TPM1: variants seen among roughly 807,000 people sequenced by gnomAD.
TPM1 encodes tropomyosin alpha-1 chain.
Under a neutral mutation model 42.9 loss-of-function variants are expected in TPM1, and 24 were observed. That is an observed-to-expected ratio of 0.56 (90% CI 0.41 to 0.79). The LOEUF is 0.79. TPM1 is among the 30% of genes least tolerant of loss of function. TPM1 has a pLI of 0.00. For missense variants in TPM1, 158 were observed against 351.8 expected (o/e 0.45, Z 4.41); for synonymous variants, 136 against 130.1 (o/e 1.05, Z -0.31).
chr15:63,064,078 C>G lies in TPM1; in HGVS notation c.787C>G (p.Gln263Glu), dbSNP rs730881147. The G allele has an allele frequency of 1.2e-6, 2 of 1,614,076 alleles. No homozygotes were observed. The highest frequency in any genetic ancestry group is 1.7e-6 in the Non-Finnish European group (2 of 1,180,020). The change falls in exon 9 of 10, where the codon CAG becomes GAG. Residue 263 changes from glutamine (Q) to glutamate (E), a missense_variant. By Grantham distance (29) the Gln-to-Glu change is conservative. Transcript: ENST00000403994. ...IDDLEDELYA[Q>E]KLKYKAISEE... ...CCTGGTCATAGACGAGCTGTACGCT[C>G]AGAAACTGAAGTACAAAGCCATCAG...
At chr15:63,067,971 G>C (rs1212611981), downstream of TPM1, among the ~76,000 whole-genome samples, 1 of 152,206 alleles carries the variant, frequency 6.6e-6, no homozygotes. Context: ...CTGTCGGAGG[G>C]ACCACTGTCC....
Position 63,047,341 on chromosome 15 carries a change from A to T in TPM1, c.240+3189A>T, listed in dbSNP as rs2032595609. 3 of 152,248 alleles carry T rather than the reference A, an allele frequency of 2.0e-5. No homozygotes were observed. In the South Asian group the frequency reaches 6.2e-4, roughly 32 times the overall value. 9.4% of individuals were successfully genotyped at this position (152,248 alleles called of 1,614,324 possible). On this transcript the variant is annotated intron_variant, in intron 2 of 9. Transcript: ENST00000403994. ...GTTTTCTTTATTATTCCCACACATA[A>T]GGGAGCTGGCTTTAAGAGCTTTCTG...
At chr15:63,069,489 C>T (rs147856076), downstream of TPM1, among the ~76,000 whole-genome samples, 8 of 152,286 alleles carry the variant, frequency 5.3e-5, no homozygotes, top group East Asian at 1.2e-3. Flanking sequence ...GTGGATGTCA[C>T]GCTGGGCTCG....
chr15:63,043,575 C>G (rs2031661776), intron 1 of TPM1: 11 of 1,401,234 alleles, frequency 7.9e-6, no homozygotes, highest in Non-Finnish European at 1.1e-5. Context: ...GAAGTTACCT[C>G]GGGTCCTTTG....
chr15:63,065,388 G>A, intron 9 of TPM1: 5 of 990,488 alleles, frequency 5.0e-6, no homozygotes, highest in Non-Finnish European at 4.8e-6. Context: ...CAGAAAAAAT[G>A]GTAACTTGAA....
At chr15:63,051,250 C>T (rs1239642856) in intron 2 of TPM1, among the ~76,000 whole-genome samples, 1 of 152,208 alleles carries the variant, frequency 6.6e-6, no homozygotes, top group Non-Finnish European at 1.5e-5. Flanking sequence ...AACCAATTTA[C>T]AAAAATTCCC....
At position 63,042,883 on chromosome 15, in the gene TPM1, C is replaced by G; in HGVS notation, c.54C>G (p.Ala18=). 1 of 1,613,358 alleles carries G rather than the reference C, an allele frequency of 6.2e-7. No homozygotes were observed. Among genetic ancestry groups the G allele is most frequent in the Non-Finnish European group, 8.5e-7 (1 of 1,179,514 alleles). The part of the protein sequence containing the change: ...MQMLKLDKEN[A]LDRAEQAEAD... ...TGCTGAAGCTCGACAAGGAGAACGC[C>G]TTGGATCGAGCTGAGCAGGCGGAGG... Residue 18 remains alanine, a synonymous_variant, in exon 1 of 10, where the codon GCC becomes GCG. Coordinates refer to ENST00000403994, the MANE Select transcript of TPM1 (RefSeq NM_001018005.2).
chr15:63,043,206 T>C, intron 1 of TPM1: 2 of 535,320 alleles, frequency 3.7e-6, no homozygotes, highest in Non-Finnish European at 6.7e-6. Flanking sequence ...CGCTTTATTC[T>C]CAGGACTGGG....
chr15:63,048,480 G>T, intron 2 of TPM1: 1 of 1,423,898 alleles, frequency 7.0e-7, no homozygotes, highest in Non-Finnish European at 9.1e-7. Flanking sequence ...GGGCGGACCG[G>T]CGCTGGGCAG....
downstream of TPM1, chr15:63,070,919 C>T (rs1315633191): frequency 1.4e-6 from 2 of 1,407,638 alleles, no homozygotes; most frequent in East Asian, 2.8e-5. Flanking sequence ...CAAAGATGCC[C>T]TCCCCTCCGT....
At chr15:63,051,504 T>C (rs554071430) in intron 2 of TPM1, among the ~76,000 whole-genome samples, 1 of 152,258 alleles carries the variant, frequency 6.6e-6, no homozygotes, top group South Asian at 2.1e-4. Flanking sequence ...GTTTATCTGT[T>C]ATCCATGGGA....
intron 5 of TPM1, chr15:63,061,475 A>G: frequency 1.4e-6 from 1 of 734,932 alleles, no homozygotes; most frequent in Non-Finnish European, 2.4e-6. Context: ...CCAAAAAAGG[A>G]GCCAAATTAT....
chr15:63,063,641 A>AT (rs1370940916), intron 8 of TPM1, among the ~76,000 whole-genome samples: 1 of 152,120 alleles, frequency 6.6e-6, no homozygotes, highest in East Asian at 1.9e-4. Context: ...CTGCCCTTGC[A>AT]TTTTTTTCCC....
intron 8 of TPM1, 144 bp from the exon 9 acceptor site, chr15:63,063,920 C>T: frequency 8.3e-7 from 1 of 1,211,046 alleles, no homozygotes; most frequent in South Asian, 1.6e-5. Context: ...CTGCATTGGC[C>T]ACCTGCTGCG....
chr15:63,064,828 G>C (rs763225639), intron 9 of TPM1: 1 of 513,532 alleles, frequency 1.9e-6, no homozygotes, highest in Non-Finnish European at 2.5e-6. Flanking sequence ...TTAGCCGGGC[G>C]TGGTGGTGGA....
At chr15:63,061,683 A>G in intron 5 of TPM1, 30 bp from the exon 6 acceptor site, 5 of 1,608,894 alleles carry the variant, frequency 3.1e-6, no homozygotes, top group Non-Finnish European at 4.3e-6. Context: ...CTTGTCTCCC[A>G]CCCTTTCTGC....
At chr15:63,051,199 A>G (rs2033786419) in intron 2 of TPM1, among the ~76,000 whole-genome samples, 1 of 152,338 alleles carries the variant, frequency 6.6e-6, no homozygotes, top group Non-Finnish European at 1.5e-5. Context: ...AGTTGTGGCC[A>G]GAAGGTTCTT....
intron 7 of TPM1, 120 bp downstream of exon 7, chr15:63,062,397 GC>G: frequency 7.7e-7 from 1 of 1,302,872 alleles, no homozygotes; most frequent in Non-Finnish European, 1.1e-6. Flanking sequence ...TTCAAAGGTC[GC>G]CTTGGAGTTT....
chr15:63,069,952 G>C, downstream of TPM1: 2 of 1,613,964 alleles, frequency 1.2e-6, no homozygotes, highest in Middle Eastern at 3.3e-4. Flanking sequence ...AAACTTAAGA[G>C]TGAAAAAACT....
Sources: gnomAD v4.1 joint callset for allele counts (sites outside exome capture counted in the v4.1 genomes callset) on GRCh38, gnomAD v4.1.1 for gene constraint, MANE v1.5 for transcripts, NCBI Gene and HGNC (gene_info 2026-07-23, HGNC 2026-07-21) for gene names.